Variants in PCA3 observed in about 807,000 individuals in gnomAD.
The protein encoded by PCA3 is Differential Display code 3.
chr9:76,771,213 T>C (rs1457502198), intron 2 of PCA3, among the ~76,000 whole-genome samples: 2 of 152,192 alleles, frequency 1.3e-5, no homozygotes, highest in East Asian at 3.8e-4. Context: ...TTTTGATAAC[T>C]GGTGATCAAA....
At chr9:76,766,140 G>A (rs556671949) in intron 2 of PCA3, among the ~76,000 whole-genome samples, 20 of 148,328 alleles carry the variant, frequency 1.3e-4, no homozygotes, top group East Asian at 1.0e-3. Context: ...CCAAGATTGC[G>A]CCACTGCACT....
chr9:76,770,398 C>T (rs560330613), intron 2 of PCA3, among the ~76,000 whole-genome samples: 58 of 152,208 alleles, frequency 3.8e-4, no homozygotes, highest in African/African-American at 1.3e-3. Flanking sequence ...TTTGAAAACA[C>T]ATTTTCAATC....
intron 2 of PCA3, chr9:76,786,853 T>C (rs2055037247): frequency 6.6e-6 from 1 of 152,242 alleles, no homozygotes; most frequent in East Asian, 1.9e-4. Flanking sequence ...CTGAACAGCA[T>C]GGTCCCCAAT....
At chr9:76,772,156 T>C (rs2053184091) in intron 2 of PCA3, among the ~76,000 whole-genome samples, 1 of 152,140 alleles carries the variant, frequency 6.6e-6, no homozygotes, top group Non-Finnish European at 1.5e-5. Context: ...GCTTTTTGTG[T>C]GTTGCTCGTT....
intron 2 of PCA3, among the ~76,000 whole-genome samples, chr9:76,773,355 C>T (rs532644578): frequency 1.3e-5 from 2 of 151,560 alleles, no homozygotes; most frequent in East Asian, 1.9e-4. Flanking sequence ...TGATTTATAG[C>T]GGACAATCTT....
chr9:76,775,937 T>C (rs909498977), intron 2 of PCA3, among the ~76,000 whole-genome samples: 2 of 148,948 alleles, frequency 1.3e-5, no homozygotes, highest in Admixed American at 6.7e-5. Flanking sequence ...TAAACCTAAT[T>C]CCACTCTTCT....
chr9:76,764,870 T>G (rs907530867), intron 2 of PCA3, among the ~76,000 whole-genome samples: 1 of 152,196 alleles, frequency 6.6e-6, no homozygotes, highest in African/African-American at 2.4e-5. Flanking sequence ...TTTTGTCTGT[T>G]TCATCACTAC....
At chr9:76,774,162 G>T (rs939361504) in intron 2 of PCA3, among the ~76,000 whole-genome samples, 16 of 151,708 alleles carry the variant, frequency 1.1e-4, no homozygotes, top group African/African-American at 3.4e-4. Flanking sequence ...TTGACACAGG[G>T]TCTCACTTTA....
intron 2 of PCA3, among the ~76,000 whole-genome samples, chr9:76,771,406 C>G (rs76645737): frequency 6.6e-6 from 1 of 152,210 alleles, no homozygotes; most frequent in East Asian, 1.9e-4. Context: ...CTTAATAAGT[C>G]CTACTATATG....
chr9:76,782,425 A>G (rs112667193), intron 2 of PCA3, among the ~76,000 whole-genome samples: 13 of 152,118 alleles, frequency 8.5e-5, no homozygotes, highest in Non-Finnish European at 1.6e-4. Context: ...CTGCTTCTTC[A>G]TATTTTTACA....
intron 2 of PCA3, chr9:76,786,987 G>A (rs1287118829): frequency 1.3e-5 from 2 of 152,162 alleles, no homozygotes; most frequent in Non-Finnish European, 2.9e-5. Flanking sequence ...CTTCGTGATT[G>A]TCAGGAGCAA....
chr9:76,783,060 T>G (rs1165574470), intron 2 of PCA3, among the ~76,000 whole-genome samples: 2 of 152,182 alleles, frequency 1.3e-5, no homozygotes, highest in Non-Finnish European at 1.5e-5. Flanking sequence ...GTAGGTATTG[T>G]GGTGATTAAA....
At chr9:76,785,306 C>T (rs1161065911) in intron 2 of PCA3, 1 of 152,152 alleles carries the variant, frequency 6.6e-6, no homozygotes, top group African/African-American at 2.4e-5. Context: ...TGAGATTCAT[C>T]ATCACATGAG....
intron 2 of PCA3, among the ~76,000 whole-genome samples, chr9:76,767,994 C>T (rs558812354): frequency 2.2e-4 from 33 of 152,252 alleles, no homozygotes; most frequent in African/African-American, 7.9e-4. Flanking sequence ...GTTCTTTCTT[C>T]GATGATTTGG....
chr9:76,773,620 T>G (rs1277502706), intron 2 of PCA3, among the ~76,000 whole-genome samples: 1 of 152,096 alleles, frequency 6.6e-6, no homozygotes, highest in African/African-American at 2.4e-5. Flanking sequence ...ATTTTTGTAC[T>G]TTTAGTACAG....
intron 2 of PCA3, among the ~76,000 whole-genome samples, chr9:76,768,042 GT>G (rs1295326404): frequency 6.6e-6 from 1 of 152,164 alleles, no homozygotes; most frequent in African/African-American, 2.4e-5. Flanking sequence ...ACAGCGGCAG[GT>G]CAGAGGGAGT....
At chr9:76,776,889 C>CACAG (rs1454212828) in intron 2 of PCA3, among the ~76,000 whole-genome samples, 2 of 88,182 alleles carry the variant, frequency 2.3e-5, no homozygotes, top group Non-Finnish European at 3.9e-5. Context: ...ATTACCAAAA[C>CACAG]ACATACACAC....
At chr9:76,773,126 G>T (rs2053297809) in intron 2 of PCA3, among the ~76,000 whole-genome samples, 1 of 152,144 alleles carries the variant, frequency 6.6e-6, no homozygotes, top group Non-Finnish European at 1.5e-5. Context: ...ATTACTTTAA[G>T]TTCATGCTTA....
At chr9:76,782,314 TGAAA>T (rs1473825911) in intron 2 of PCA3, among the ~76,000 whole-genome samples, 2 of 152,248 alleles carry the variant, frequency 1.3e-5, no homozygotes, top group Non-Finnish European at 2.9e-5. Context: ...AATGAATGAA[TGAAA>T]GAATGTGCTT....
Sources: gnomAD v4.1 joint callset for allele counts (sites outside exome capture counted in the v4.1 genomes callset) on GRCh38, gnomAD v4.1.1 for gene constraint, MANE v1.5 for transcripts, NCBI Gene and HGNC (gene_info 2026-07-23, HGNC 2026-07-21) for gene names.